Variants in CSMD1 observed in about 807,000 individuals in gnomAD.
The protein encoded by CSMD1 is CUB and Sushi multiple domains 1.
In CSMD1, 213 loss-of-function variants were observed where a neutral mutation model predicts 417.5. The observed-to-expected ratio is 0.51, with a 90% confidence interval of 0.46 to 0.57. CSMD1 has a LOEUF of 0.57. Among genes scored for constraint, CSMD1 ranks in the 20% least tolerant of loss-of-function variants. The probability of loss-of-function intolerance (pLI) is 0.00; values close to 1 mark genes in which losing one functional copy is unlikely to be tolerated. For missense variants in CSMD1, 6,923 were observed against 4,529.7 expected, an observed-to-expected ratio of 1.53 and a Z score of -15.17; for synonymous variants, 2,862 against 1,736.8, an observed-to-expected ratio of 1.65 and a Z score of -16.11.
chr8:4,841,051 C>G (rs1196126223), intron 1 of CSMD1, among the ~76,000 whole-genome samples: 1 of 152,232 alleles, frequency 6.6e-6, no homozygotes, highest in African/African-American at 2.4e-5. Context: ...CAACGTTCTT[C>G]CTGTATTCTT....
At chr8:4,512,895 T>G (rs1402948144) in intron 2 of CSMD1, among the ~76,000 whole-genome samples, 1 of 151,668 alleles carries the variant, frequency 6.6e-6, no homozygotes, top group African/African-American at 2.4e-5. Flanking sequence ...GTGAAAGAAG[T>G]TAATTTGAAA....
At chr8:3,137,607 G>A (rs1818177349) in intron 41 of CSMD1, among the ~76,000 whole-genome samples, 1 of 152,132 alleles carries the variant, frequency 6.6e-6, no homozygotes, top group African/African-American at 2.4e-5. Context: ...TAAAATAATG[G>A]TGCATTTTCA....
chr8:3,894,295 G>T (rs768940660), intron 5 of CSMD1, among the ~76,000 whole-genome samples: 1 of 151,970 alleles, frequency 6.6e-6, no homozygotes, highest in Admixed American at 6.6e-5. Context: ...CACCTGTCTC[G>T]CTCCAGTCTC....
Position 3,439,309 on chromosome 8 carries a change from A to ATATATATATATTTT in CSMD1, c.1561+29402_1561+29403insAAAATATATATATA. Reference sequence around the variant, plus strand: ...TATATATATATATATATATATATATATTTTTTTTTTTAATATGTATTTTTA... The same window carrying ATATATATATATTTT: ...TATATATATATATATATATATATATATATATATATATTTTTTTTTTTTTTTAATATGTATTTTTA... On this transcript the variant is annotated intron_variant, in intron 12 of 69. Coordinates refer to ENST00000635120, the MANE Select transcript of CSMD1 (RefSeq NM_033225.6). Among the ~76,000 whole-genome samples, 203 of 62,342 alleles carry ATATATATATATTTT rather than the reference A, an allele frequency of 3.3e-3. 6 individuals carry two copies. The highest frequency in any genetic ancestry group is 6.1e-3 in the South Asian group (8 of 1,314). The allele number at this position is 62,342 out of a possible 152,430, so 40.9% of individuals were successfully genotyped here.
chr8:4,707,243 T>C (rs1343310504), intron 1 of CSMD1, among the ~76,000 whole-genome samples: 1 of 152,218 alleles, frequency 6.6e-6, no homozygotes. Flanking sequence ...ATTTTCATTC[T>C]TACAACGGTC....
At chr8:3,949,430 G>C (rs9987336) in intron 5 of CSMD1, among the ~76,000 whole-genome samples, 2 of 152,218 alleles carry the variant, frequency 1.3e-5, no homozygotes, top group African/African-American at 4.8e-5. Context: ...GAGGTATATA[G>C]AAGCTCTAAC....
At chr8:3,822,441 A>G (rs542340193) in intron 5 of CSMD1, among the ~76,000 whole-genome samples, 8 of 152,330 alleles carry the variant, frequency 5.3e-5, no homozygotes, top group African/African-American at 1.9e-4. Flanking sequence ...AAAAAGAACA[A>G]TGCCACAAAG....
At chr8:4,798,317 C>G (rs1048798060) in intron 1 of CSMD1, among the ~76,000 whole-genome samples, 9 of 152,140 alleles carry the variant, frequency 5.9e-5, no homozygotes, top group Non-Finnish European at 1.0e-4. Flanking sequence ...TAGCTTCATC[C>G]ATGTCCCTAC....
At chr8:3,450,149 C>A (rs972745738) in intron 12 of CSMD1, among the ~76,000 whole-genome samples, 1 of 152,148 alleles carries the variant, frequency 6.6e-6, no homozygotes. Flanking sequence ...CGATGACGAA[C>A]GTTGACTGTG....
intron 3 of CSMD1, among the ~76,000 whole-genome samples, chr8:4,075,157 T>G (rs1799756354): frequency 6.6e-6 from 1 of 152,322 alleles, no homozygotes; most frequent in African/African-American, 2.4e-5. Context: ...CAGGATTAAA[T>G]TTTGCTAAGC....
In CSMD1 at chr8:4,856,546, G is replaced by A. The variant is rs1023835586; in HGVS notation, c.85+137786C>T. ...ATCTCACGTGCAGAGACACACATAG[G>A]CTCAAAATAAAAGGATGGAGGAAGA... On this transcript the variant is annotated intron_variant, in intron 1 of 69. Transcript: ENST00000635120. Among the ~76,000 whole-genome samples, 25 of 139,434 alleles carry A rather than the reference G, an allele frequency of 1.8e-4. 1 individual carries two copies. Among genetic ancestry groups the A allele is most frequent in the Admixed American group, 8.3e-4 (12 of 14,530 alleles). The allele number at this position is 139,434 out of a possible 152,430, so 91.5% of individuals were successfully genotyped here. A position where few individuals can be genotyped will look rare whatever the true frequency, so the allele number is the denominator to read the frequency against.
intron 2 of CSMD1, among the ~76,000 whole-genome samples, chr8:4,587,942 T>C (rs142992992): frequency 2.6e-5 from 4 of 152,318 alleles, no homozygotes; most frequent in Non-Finnish European, 5.9e-5. Flanking sequence ...TAGAAGGAGA[T>C]TGTGTGTAGA....
intron 5 of CSMD1, among the ~76,000 whole-genome samples, chr8:3,968,821 G>C (rs1008581359): frequency 6.6e-6 from 1 of 152,198 alleles, no homozygotes; most frequent in African/African-American, 2.4e-5. Flanking sequence ...CACTGATCCA[G>C]TATAGGACAA....
intron 2 of CSMD1, among the ~76,000 whole-genome samples, chr8:4,567,953 T>G (rs1798692584): frequency 6.6e-6 from 1 of 152,200 alleles, no homozygotes; most frequent in Non-Finnish European, 1.5e-5. Flanking sequence ...TAACAGAGAT[T>G]CTTACAGCAC....
chr8:4,394,875 T>A (rs1366948863), intron 3 of CSMD1, among the ~76,000 whole-genome samples: 2 of 152,044 alleles, frequency 1.3e-5, no homozygotes, highest in Non-Finnish European at 2.9e-5. Flanking sequence ...GATACAACCT[T>A]GTCTACACGT....
intron 22 of CSMD1, among the ~76,000 whole-genome samples, chr8:3,346,155 G>C (rs1299700612): frequency 1.3e-5 from 2 of 152,092 alleles, no homozygotes; most frequent in Non-Finnish European, 2.9e-5. Flanking sequence ...AAATGTGTAG[G>C]TATTTTATAT....
At chr8:3,291,811 T>G (rs1049871838) in intron 25 of CSMD1, among the ~76,000 whole-genome samples, 2 of 152,224 alleles carry the variant, frequency 1.3e-5, no homozygotes, top group South Asian at 4.1e-4. Context: ...AAGGGTTTTT[T>G]GCGTCTCTAT....
In CSMD1 at chr8:4,899,569, G is replaced by A. The variant is rs552138638; in HGVS notation, c.85+94763C>T. ...TCACTCTTTCTTGTCATGGTGATCT[G>A]GACACTGAAAGTCAATATTTTTTCT... On this transcript the variant is annotated intron_variant, in intron 1 of 69. Coordinates refer to ENST00000635120, the MANE Select transcript of CSMD1 (RefSeq NM_033225.6). Among the ~76,000 whole-genome samples, 5 of 152,196 alleles carry A rather than the reference G, an allele frequency of 3.3e-5. No homozygotes were observed. In the South Asian group the frequency reaches 8.3e-4, roughly 25 times the overall value.
intron 26 of CSMD1, among the ~76,000 whole-genome samples, chr8:3,276,345 A>C (rs1330138139): frequency 6.6e-6 from 1 of 152,066 alleles, no homozygotes; most frequent in African/African-American, 2.4e-5. Flanking sequence ...GAAATGCAGA[A>C]ATCACCCATC....
Sources: gnomAD v4.1 joint callset for allele counts (sites outside exome capture counted in the v4.1 genomes callset) on GRCh38, gnomAD v4.1.1 for gene constraint, MANE v1.5 for transcripts, NCBI Gene and HGNC (gene_info 2026-07-23, HGNC 2026-07-21) for gene names.